AHCY: variants seen among roughly 807,000 people sequenced by gnomAD.
The protein encoded by AHCY is S-adenosyl-L-homocysteine hydrolase.
A neutral mutation model predicts 45.4 loss-of-function variants in AHCY; 24 were observed. That is an observed-to-expected ratio of 0.53 (90% CI 0.38 to 0.74). AHCY has a LOEUF of 0.74. Among genes scored for constraint, AHCY ranks in the 30% least tolerant of loss-of-function variants. The probability of loss-of-function intolerance (pLI) is 0.00; values close to 1 mark genes in which losing one functional copy is unlikely to be tolerated. For synonymous variants in AHCY, 245 were observed against 235.1 expected, an observed-to-expected ratio of 1.04 and a Z score of -0.39; for missense variants, 449 against 594.1, an observed-to-expected ratio of 0.76 and a Z score of 2.54.
chr20:34,250,625 C>T, the AHCY span, among the ~76,000 whole-genome samples: 25 of 152,270 alleles, frequency 1.6e-4, no homozygotes, highest in East Asian at 7.7e-4. Flanking sequence ...TGGTGAAACC[C>T]GATCTCTACT....
At chr20:34,304,675 A>G (rs2036873475), upstream of AHCY, among the ~76,000 whole-genome samples, 1 of 151,390 alleles carries the variant, frequency 6.6e-6, no homozygotes, top group Non-Finnish European at 1.5e-5. Flanking sequence ...ACGCACCACC[A>G]CACCTGGCTA....
At chr20:34,275,623 T>C (rs1341464107), downstream of AHCY, among the ~76,000 whole-genome samples, 1 of 152,070 alleles carries the variant, frequency 6.6e-6, no homozygotes, top group African/African-American at 2.4e-5. Context: ...TAGATTCAGC[T>C]ACTCAAATAT....
intron 1 of AHCY, among the ~76,000 whole-genome samples, chr20:34,310,421 T>C (rs1601695573): frequency 1.3e-5 from 2 of 152,188 alleles, no homozygotes; most frequent in Non-Finnish European, 1.5e-5. Flanking sequence ...AATAACATAC[T>C]ATTGGTAAGA....
chr20:34,235,876 A>G, the AHCY span, among the ~76,000 whole-genome samples: 1 of 94,996 alleles, frequency 1.1e-5, no homozygotes, highest in Non-Finnish European at 1.9e-5. Flanking sequence ...AAAGGAAGGA[A>G]GGAAGGAAGG....
rs2035962581 is a variant in AHCY, at chr20:34,280,386, C to T, written c.*648G>A. 6.5e-6 allele frequency: 1 copy of T among 153,258 alleles called. No individual in the cohort carries two copies. The highest frequency in any genetic ancestry group is 6.5e-5 in the Admixed American group (1 of 15,464). The allele number at this position is 153,258 out of a possible 1,614,324, so 9.5% of individuals were successfully genotyped here. ...GAACCATCTGGTTATAAAGTGGTGG[C>T]AGATTTCACGAAATCTGCCTGCATT... On this transcript the variant is annotated 3_prime_UTR_variant, in exon 10 of 10. Coordinates refer to ENST00000217426, the MANE Select transcript of AHCY (RefSeq NM_000687.4).
At position 34,281,223 on chromosome 20, in the gene AHCY, C is replaced by A; in HGVS notation, c.1168-58G>T. ...TGCCATTTTCTGGGACCCCTACACG[C>A]GTCTGGCTGCCAATAGAGGCAGAAG... On this transcript the variant is annotated intron_variant, in intron 9 of 9. Coordinates refer to ENST00000217426, the MANE Select transcript of AHCY (RefSeq NM_000687.4). The A allele has an allele frequency of 2.5e-6, 4 of 1,606,966 alleles. No homozygotes were observed. The South Asian group carries it at 4.4e-5, about 18-fold the overall frequency.
In AHCY at chr20:34,295,471, G is replaced by A; in HGVS notation, c.143C>T (p.Ala48Val). The change falls in exon 2 of 10, where the codon GCC (alanine) becomes GTC (valine). Residue 48 changes from alanine (A) to valine (V), a missense_variant. Physicochemically the swap from Ala to Val is moderately conservative, Grantham distance 64 (BLOSUM62 0). Transcript: ENST00000217426. ...CATGTGCAGGCAGCCAGCGATGCGG[G>A]CGCCCTTCAGTGGCTTGGAGGCCGA... ...RYSASKPLKG[A>V]RIAGCLHMTV... is the part of the protein sequence containing the mutation. 1 of 1,614,144 alleles carries A rather than the reference G, an allele frequency of 6.2e-7. No individual in the cohort carries two copies. Among genetic ancestry groups the A allele is most frequent in the Non-Finnish European group, 8.5e-7 (1 of 1,180,046 alleles).
upstream of AHCY, chr20:34,303,462 T>G (rs1280375308): frequency 5.0e-6 from 4 of 796,900 alleles, no homozygotes; most frequent in Non-Finnish European, 8.2e-6. Context: ...GGGATTTCGA[T>G]CCCTGAAAAG....
chr20:34,295,583 C>T lies in AHCY; in HGVS notation c.31G>A (p.Asp11Asn), dbSNP rs776007050. The T allele has an allele frequency of 6.8e-6, 11 of 1,613,912 alleles. No homozygotes were observed. Among genetic ancestry groups the T allele is most frequent in the East Asian group, 2.2e-5 (1 of 44,880 alleles). Residue 11 changes from aspartate to asparagine, a missense_variant and splice_region_variant, in exon 2 of 10, where the codon GAC becomes AAC. Asp to Asn is a conservative substitution (Grantham distance 23, BLOSUM62 1). Coordinates refer to ENST00000217426, the MANE Select transcript of AHCY (RefSeq NM_000687.4). ...CGTCCCCAGGCAGCCAGGCCGATGT[C>T]GGCTACGGGAGGAAACAGGTGGGAG... The part of the protein sequence containing the change: MSDKLPYKVA[D>N]IGLAAWGRKA...
At chr20:34,303,064 GC>G (rs2036836569) in intron 1 of AHCY, 178 bp downstream of exon 1, 4 of 985,232 alleles carry the variant, frequency 4.1e-6, no homozygotes, top group Non-Finnish European at 4.8e-6. Flanking sequence ...ACCCGGAACG[GC>G]CCGCTCATGG....
intron 3 of AHCY, among the ~76,000 whole-genome samples, chr20:34,292,976 T>C (rs571249074): frequency 1.3e-5 from 2 of 152,254 alleles, no homozygotes; most frequent in Admixed American, 6.5e-5. Context: ...CAGGGTTTGC[T>C]CTGCACTGAA....
the AHCY span, among the ~76,000 whole-genome samples, chr20:34,264,448 T>C: frequency 6.6e-6 from 1 of 152,218 alleles, no homozygotes; most frequent in Admixed American, 6.5e-5. Context: ...TATTTTTCAA[T>C]GTGTTTAATG....
intron 8 of AHCY, among the ~76,000 whole-genome samples, chr20:34,287,264 A>G (rs900610505): frequency 7.2e-5 from 11 of 152,180 alleles, no homozygotes; most frequent in Admixed American, 4.6e-4. Context: ...CTCCTGGTAC[A>G]ACAGTGGGGT....
chr20:34,289,125 T>C (rs982440112), intron 8 of AHCY, among the ~76,000 whole-genome samples: 1 of 152,114 alleles, frequency 6.6e-6, no homozygotes, highest in Non-Finnish European at 1.5e-5. Context: ...TGCCTCAGCC[T>C]CCCGAGTAGC....
downstream of AHCY, chr20:34,280,206 C>T (rs1010442466): frequency 6.6e-6 from 1 of 152,212 alleles, no homozygotes; most frequent in African/African-American, 2.4e-5. Flanking sequence ...ACGACTATAA[C>T]CCCCTATTCA....
the AHCY span, among the ~76,000 whole-genome samples, chr20:34,268,320 T>A: frequency 2.6e-5 from 4 of 152,042 alleles, no homozygotes; most frequent in Admixed American, 2.0e-4. Context: ...ACCTGCTGCG[T>A]TCGGTGCACA....
At chr20:34,249,371 G>C in the AHCY span, among the ~76,000 whole-genome samples, 14 of 151,130 alleles carry the variant, frequency 9.3e-5, no homozygotes, top group African/African-American at 3.2e-4. Context: ...TGGTTAGACA[G>C]CTGAAGGTGA....
At chr20:34,292,322 CA>C in intron 4 of AHCY, 35 bp downstream of exon 4, 1 of 1,606,828 alleles carries the variant, frequency 6.2e-7, no homozygotes, top group Non-Finnish European at 8.5e-7. Flanking sequence ...CCACCCAGGC[CA>C]CCAGCACCCA....
At chr20:34,297,482 G>T (rs994079513) in intron 1 of AHCY, among the ~76,000 whole-genome samples, 1 of 151,944 alleles carries the variant, frequency 6.6e-6, no homozygotes, top group Admixed American at 6.6e-5. Flanking sequence ...ATTTTTAGAG[G>T]AGACGGGGTT....
Sources: allele counts gnomAD v4.1 joint callset (sites outside exome capture counted in the v4.1 genomes callset), GRCh38; gene constraint gnomAD v4.1.1; transcripts MANE v1.5; gene names NCBI Gene and HGNC (gene_info 2026-07-23, HGNC 2026-07-21).